RPRD1A: variants seen among roughly 807,000 people sequenced by gnomAD.
RPRD1A encodes regulation of nuclear pre-mRNA domain containing 1A.
Under a neutral mutation model 37.8 loss-of-function variants are expected in RPRD1A, and 9 were observed. That is an observed-to-expected ratio of 0.24 (90% confidence interval 0.14 to 0.42). The LOEUF is 0.42. RPRD1A is among the 10% of genes least tolerant of loss of function. The pLI is 1.00. For synonymous variants in RPRD1A, 138 were observed against 139.7 expected, an observed-to-expected ratio of 0.99 and a Z score of 0.08; for missense variants, 255 against 371.0, an observed-to-expected ratio of 0.69 and a Z score of 2.57.
At chr18:36,048,265 A>C (rs1312628198) in intron 1 of RPRD1A, among the ~76,000 whole-genome samples, 2 of 151,984 alleles carry the variant, frequency 1.3e-5, no homozygotes, top group Middle Eastern at 3.2e-3. Context: ...GGGGTTTCTC[A>C]GTGTTGGTCA....
intron 4 of RPRD1A, among the ~76,000 whole-genome samples, chr18:36,029,522 T>G (rs191384362): frequency 6.5e-4 from 99 of 152,218 alleles, no homozygotes; most frequent in Non-Finnish European, 1.3e-3. Context: ...CGCCTTGTTT[T>G]AAGAGTATGG....
intron 6 of RPRD1A, among the ~76,000 whole-genome samples, chr18:36,009,648 TTCA>T (rs1337665405): frequency 2.0e-5 from 3 of 152,354 alleles, no homozygotes; most frequent in South Asian, 2.1e-4. Flanking sequence ...CTCTATTTAC[TTCA>T]TCAATACTTA....
chr18:36,032,034 A>C (rs1363086788), intron 2 of RPRD1A, among the ~76,000 whole-genome samples: 1 of 152,178 alleles, frequency 6.6e-6, no homozygotes, highest in Non-Finnish European at 1.5e-5. Context: ...CTTTCTGCCT[A>C]GTCAAATGGC....
intron 6 of RPRD1A, among the ~76,000 whole-genome samples, chr18:36,002,131 T>C (rs1283271982): frequency 6.6e-6 from 1 of 152,194 alleles, no homozygotes; most frequent in African/African-American, 2.4e-5. Flanking sequence ...TTGAGTTTCC[T>C]GGATCAGTGG....
chr18:36,061,610 T>C (rs1282974589), intron 1 of RPRD1A, among the ~76,000 whole-genome samples: 1 of 152,228 alleles, frequency 6.6e-6, no homozygotes, highest in Non-Finnish European at 1.5e-5. Flanking sequence ...AAATTAATGA[T>C]GTATATTAAG....
Position 36,047,548 on chromosome 18 carries a change from T to C in RPRD1A, c.152-13711A>G, listed in dbSNP as rs568976750. The stretch of plus-strand genomic sequence containing the variant: ...ATTAAATGAAGCAAAGAACTGGTTA[T>C]TTGAAAAGAACAATACAACTGAAAA... On this transcript the variant is annotated intron_variant, in intron 1 of 6. Transcript: ENST00000399022. 2.0e-5 allele frequency among the ~76,000 whole-genome samples: 3 copies of C among 152,222 alleles called. No individual in the cohort carries two copies. In the East Asian group the frequency reaches 5.8e-4, roughly 29 times the overall value.
intron 4 of RPRD1A, among the ~76,000 whole-genome samples, chr18:36,030,073 TG>T (rs1258221532): frequency 2.6e-5 from 4 of 151,168 alleles, no homozygotes; most frequent in Non-Finnish European, 5.9e-5. Flanking sequence ...CCCAAAGTGC[TG>T]GGATTACAGG....
chr18:36,040,791 G>C, intron 1 of RPRD1A: 1 of 1,463,116 alleles, frequency 6.8e-7, no homozygotes, highest in Non-Finnish European at 9.2e-7. Flanking sequence ...GAAGAAAAGT[G>C]TTTTTATTCA....
intron 6 of RPRD1A, among the ~76,000 whole-genome samples, chr18:36,008,575 G>GTGTGTA (rs1555670677): frequency 4.7e-5 from 2 of 42,374 alleles, no homozygotes; most frequent in African/African-American, 1.7e-4. Flanking sequence ...GACCTTGTGT[G>GTGTGTA]TGTATATATA....
intron 6 of RPRD1A, among the ~76,000 whole-genome samples, chr18:36,024,150 T>C (rs548872134): frequency 5.3e-5 from 8 of 151,712 alleles, no homozygotes; most frequent in African/African-American, 1.4e-4. Flanking sequence ...TGTGTGTGTG[T>C]GCACGCGCAC....
chr18:35,995,230 T>A (rs777430330), intron 6 of RPRD1A, among the ~76,000 whole-genome samples: 3 of 151,800 alleles, frequency 2.0e-5, no homozygotes, highest in Non-Finnish European at 4.4e-5. Context: ...TAACTAAGAC[T>A]ATCTGCTCTC....
At chr18:36,040,945 A>G (rs1289730520) in intron 1 of RPRD1A, 14 of 818,212 alleles carry the variant, frequency 1.7e-5, no homozygotes, top group Admixed American at 3.2e-5. Context: ...TGTCTTTCAG[A>G]ATGAACTACA....
chr18:36,014,933 G>A (rs1429702329), intron 6 of RPRD1A, among the ~76,000 whole-genome samples: 2 of 151,952 alleles, frequency 1.3e-5, no homozygotes, highest in African/African-American at 4.8e-5. Flanking sequence ...TATCAACAAA[G>A]ACAGAAAACA....
chr18:36,027,588 T>C, intron 4 of RPRD1A: 1 of 275,740 alleles, frequency 3.6e-6, no homozygotes, highest in Admixed American at 4.6e-5. Context: ...AGTACTAAAA[T>C]GAGGTAATGA....
chr18:36,020,204 C>T (rs763340594), intron 6 of RPRD1A, among the ~76,000 whole-genome samples: 1 of 152,194 alleles, frequency 6.6e-6, no homozygotes, highest in Admixed American at 6.5e-5. Flanking sequence ...AATGATAAGT[C>T]TTAAGGTTGA....
At chr18:36,007,322 A>T (rs1909804427) in intron 6 of RPRD1A, among the ~76,000 whole-genome samples, 2 of 152,196 alleles carry the variant, frequency 1.3e-5, no homozygotes, top group South Asian at 4.1e-4. Flanking sequence ...GTTTTGTACA[A>T]CGGGGTCTGT....
intron 1 of RPRD1A, chr18:36,064,448 A>C (rs570549508): frequency 4.6e-5 from 7 of 152,340 alleles, no homozygotes; most frequent in Non-Finnish European, 1.0e-4. Flanking sequence ...TGTCTAGCTA[A>C]AGGATTGTAA....
rs1377619207 is a variant in RPRD1A at position 35,990,924 on chromosome 18, G to A, written c.*2227C>T. 1 of 152,162 alleles carries A rather than the reference G, an allele frequency of 6.6e-6. No individual in the cohort carries two copies. The allele number at this position is 152,162 out of a possible 1,614,324, so 9.4% of individuals were successfully genotyped here. ...ATACGTTAACCAACAACTGAAGTTT[G>A]TGGAGGATTGGTCGAGGGGTGGGAT... On this transcript the variant is annotated 3_prime_UTR_variant, in exon 7 of 7. Transcript: ENST00000399022.
chr18:36,056,565 G>C (rs1406402164), intron 1 of RPRD1A, among the ~76,000 whole-genome samples: 1 of 152,136 alleles, frequency 6.6e-6, no homozygotes, highest in Admixed American at 6.5e-5. Flanking sequence ...TGGGATTACA[G>C]GTGTGAGCCA....
Sources: allele counts gnomAD v4.1 joint callset (sites outside exome capture counted in the v4.1 genomes callset), GRCh38; gene constraint gnomAD v4.1.1; transcripts MANE v1.5; gene names NCBI Gene and HGNC (gene_info 2026-07-23, HGNC 2026-07-21).